The following UPF3B variants were observed in gnomAD, a reference collection of about 807,000 sequenced individuals.
The protein encoded by UPF3B is regulator of nonsense transcripts 3B.
In UPF3B, 7 loss-of-function variants were observed where a neutral mutation model predicts 40.3. That is an observed-to-expected ratio of 0.17 (90% CI 0.10 to 0.33). The LOEUF (loss-of-function observed/expected upper bound fraction) is 0.33, where lower values mean the gene tolerates loss of function less well. Among genes scored for constraint, UPF3B ranks in the 10% least tolerant of loss-of-function variants. The pLI, the probability that UPF3B is intolerant of heterozygous loss-of-function variation, is 1.00. For missense variants in UPF3B, 229 were observed against 358.9 expected (o/e 0.64, Z 2.93); for synonymous variants, 117 against 117.3 (o/e 1.00, Z 0.01).
intron 5 of UPF3B, among the ~76,000 whole-genome samples, chrX:119,842,159 G>T (rs2056168013): frequency 9.0e-6 from 1 of 111,536 alleles, no homozygotes; most frequent in African/African-American, 3.3e-5. Flanking sequence ...TTCCACTTCT[G>T]GGAATTTATT....
chrX:119,806,644 T>C, intron 6 of UPF3B, among the ~76,000 whole-genome samples: 1 of 111,459 alleles, frequency 9.0e-6, no homozygotes, highest in Middle Eastern at 4.6e-3. Flanking sequence ...AAAAGTTTGT[T>C]CTATCCTTCA....
rs186524909 is a variant in UPF3B, at chrX:119,825,532, C to T, written c.393-2489G>A. Among the ~76,000 whole-genome samples, 5 of 111,381 alleles carry T rather than the reference C, an allele frequency of 4.5e-5. No individual in the cohort carries two copies. In the East Asian group the frequency reaches 1.4e-3, roughly 31 times the overall value. ...CTTTTTGCACCAAAATAAACTGGTA[C>T]TAATTCATTATAAAATATCTCAACA... On this transcript the variant is annotated intron_variant, in intron 3 of 6. Coordinates refer to the UPF3B transcript ENST00000636792.
chrX:119,813,471 T>C (rs984143431), intron 5 of UPF3B, among the ~76,000 whole-genome samples: 1 of 111,287 alleles, frequency 9.0e-6, no homozygotes. Context: ...AAAAGCTCCC[T>C]GAGGCCTCCC....
At chrX:119,845,895 G>A in intron 3 of UPF3B, among the ~76,000 whole-genome samples, 1 of 105,838 alleles carries the variant, frequency 9.4e-6, no homozygotes, top group Non-Finnish European at 1.9e-5. Context: ...GATGTGTTAT[G>A]TGAGGTGATG....
chrX:119,848,722 CCAGT>C (rs2056265069), intron 3 of UPF3B, among the ~76,000 whole-genome samples: 1 of 109,838 alleles, frequency 9.1e-6, no homozygotes, highest in Admixed American at 9.8e-5. Flanking sequence ...GTAAAAGAAG[CCAGT>C]CAGAAAAGAC....
intron 6 of UPF3B, among the ~76,000 whole-genome samples, chrX:119,807,194 G>A (rs538860083): frequency 9.0e-6 from 1 of 111,599 alleles, no homozygotes; most frequent in Non-Finnish European, 1.9e-5. Context: ...CTCACCATCA[G>A]CTTTTTCTGA....
intron 4 of UPF3B, among the ~76,000 whole-genome samples, 169 bp downstream of exon 4, chrX:119,845,028 CT>C (rs1482975379): frequency 1.8e-5 from 2 of 112,567 alleles, no homozygotes; most frequent in African/African-American, 6.5e-5. Flanking sequence ...GCAAGAAACT[CT>C]CTCTAGTCTA....
At chrX:119,815,266 G>T (rs2055855409) in exon 5 of UPF3B, 2 of 793,425 alleles carry the variant, frequency 2.5e-6, no homozygotes, top group African/African-American at 2.3e-5. Context: ...GTCGACCTTG[G>T]CTTCGAGCTC....
chrX:119,837,725 C>T, intron 10 of UPF3B, 32 bp downstream of exon 10: 1 of 1,199,542 alleles, frequency 8.3e-7, no homozygotes, highest in South Asian at 1.8e-5. Flanking sequence ...GGGAAAAAAA[C>T]CCTCATAAAC....
intron 5 of UPF3B, among the ~76,000 whole-genome samples, chrX:119,810,264 A>C (rs187001027): frequency 1.2e-4 from 14 of 112,461 alleles, no homozygotes; most frequent in Admixed American, 2.8e-4. Flanking sequence ...GGAAATTTTA[A>C]ACAAGTAGGC....
At chrX:119,836,029 T>C in intron 10 of UPF3B, among the ~76,000 whole-genome samples, 1 of 110,901 alleles carries the variant, frequency 9.0e-6, no homozygotes, top group Middle Eastern at 4.7e-3. Flanking sequence ...CAAGGAAGCA[T>C]AATTTGTGGA....
At chrX:119,831,230 C>G (rs2056032826), downstream of UPF3B, among the ~76,000 whole-genome samples, 1 of 111,630 alleles carries the variant, frequency 9.0e-6, no homozygotes, top group Non-Finnish European at 1.9e-5. Flanking sequence ...CCTGAAGGCA[C>G]TTTTGGATGG....
At chrX:119,813,481 C>T (rs1241139353) in intron 5 of UPF3B, among the ~76,000 whole-genome samples, 2 of 111,002 alleles carry the variant, frequency 1.8e-5, no homozygotes, top group African/African-American at 6.5e-5. Context: ...TGAGGCCTCC[C>T]AGAAGCTGAG....
At chrX:119,810,327 A>G (rs766318738) in intron 5 of UPF3B, among the ~76,000 whole-genome samples, 1 of 112,404 alleles carries the variant, frequency 8.9e-6, no homozygotes, top group East Asian at 2.8e-4. Flanking sequence ...AAGACATGTC[A>G]AAAACCGCAA....
chrX:119,836,354 CAAA>C (rs1458366821), intron 10 of UPF3B, among the ~76,000 whole-genome samples: 28 of 110,327 alleles, frequency 2.5e-4, no homozygotes, highest in African/African-American at 8.9e-4. Flanking sequence ...GACTCCATCG[CAAA>C]AAATAAATAA....
At chrX:119,817,410 A>C (rs1241070008) in intron 4 of UPF3B, among the ~76,000 whole-genome samples, 1 of 111,943 alleles carries the variant, frequency 8.9e-6, no homozygotes, top group Non-Finnish European at 1.9e-5. Context: ...GCCTTGTTTA[A>C]AACCATCAGA....
chrX:119,841,283 C>A, intron 6 of UPF3B, 25 bp from the exon 7 acceptor site: 1 of 1,201,804 alleles, frequency 8.3e-7, no homozygotes, highest in African/African-American at 1.7e-5. Flanking sequence ...CAACACAAGC[C>A]TTCAAATAAA....
chrX:119,848,354 T>G (rs1261856142), intron 3 of UPF3B, among the ~76,000 whole-genome samples: 1 of 109,163 alleles, frequency 9.2e-6, no homozygotes, highest in Non-Finnish European at 1.9e-5. Flanking sequence ...TTGAAGATAT[T>G]ATGCTAAATG....
chrX:119,822,384 A>C (rs2055929857), intron 4 of UPF3B, among the ~76,000 whole-genome samples: 1 of 113,014 alleles, frequency 8.8e-6, no homozygotes, highest in African/African-American at 3.2e-5. Context: ...TTTTGATTTT[A>C]AAACCAGCTC....
Sources: gnomAD v4.1 joint callset for allele counts (sites outside exome capture counted in the v4.1 genomes callset) on GRCh38, gnomAD v4.1.1 for gene constraint, MANE v1.5 for transcripts, NCBI Gene and HGNC (gene_info 2026-07-23, HGNC 2026-07-21) for gene names.